MIER1: variants seen among roughly 807,000 people sequenced by gnomAD.
MIER1 encodes MIER1 transcriptional regulator.
A neutral mutation model predicts 75.7 loss-of-function variants in MIER1; 40 were observed. The observed-to-expected ratio is 0.53, with a 90% CI of 0.41 to 0.69. The LOEUF (loss-of-function observed/expected upper bound fraction) is 0.69, where lower values mean the gene tolerates loss of function less well. Ranked by LOEUF, MIER1 falls within the 30% of genes least tolerant of loss-of-function variation. The pLI, the probability that MIER1 is intolerant of heterozygous loss-of-function variation, is 0.00. For synonymous variants in MIER1, 213 were observed against 223.4 expected, an observed-to-expected ratio of 0.95 and a Z score of 0.42; for missense variants, 574 against 680.2, an observed-to-expected ratio of 0.84 and a Z score of 1.74.
intron 2 of MIER1, among the ~76,000 whole-genome samples, chr1:66,933,668 C>G (rs1327513420): frequency 1.3e-5 from 2 of 152,028 alleles, no homozygotes; most frequent in Admixed American, 1.3e-4. Flanking sequence ...ATTCTCGACA[C>G]TAATAATGAA....
chr1:66,957,995 A>G (rs1476595724), intron 4 of MIER1, 64 bp from the exon 5 acceptor site: 14 of 1,040,144 alleles, frequency 1.3e-5, no homozygotes, highest in Non-Finnish European at 1.8e-5. Flanking sequence ...AGATTTGTGG[A>G]TTATAGCCTG....
Position 66,970,964 on chromosome 1 carries a change from G to T in MIER1, c.924+5G>T. 1 of 1,570,632 alleles carries T rather than the reference G, an allele frequency of 6.4e-7. No individual in the cohort carries two copies. Among genetic ancestry groups the T allele is most frequent in the South Asian group, 1.2e-5 (1 of 82,340 alleles). ...CACATAAAAGACAATGAACAGGTCT[G>T]TGAAAGAAACAACTGTTAGAACTTT... On this transcript the variant is annotated splice_donor_5th_base_variant and intron_variant, in intron 9 of 13. Coordinates refer to ENST00000401041, the MANE Select transcript of MIER1 (RefSeq NM_001077700.3).
rs1362572797 is a variant in MIER1, at chr1:66,987,716, GATTTT to G, written c.*2820_*2824del. ...TATTTTCATTAGATTAATTCACTAA[GATTTT>G]ATTAGAGATTGTTTGAATGATGCAT... On this transcript the variant is annotated 3_prime_UTR_variant, in exon 14 of 14. Transcript: ENST00000401041. 1.4e-5 allele frequency: 2 copies of G among 143,756 alleles called. No individual in the cohort carries two copies. The highest frequency in any genetic ancestry group is 3.0e-5 in the Non-Finnish European group (2 of 66,208). The allele number at this position is 143,756 out of a possible 1,614,324, so 8.9% of individuals were successfully genotyped here.
At chr1:66,972,854 TGGG>T (rs779190109) in intron 10 of MIER1, 40 bp from the exon 11 acceptor site, 3 of 996,288 alleles carry the variant, frequency 3.0e-6, no homozygotes, top group Admixed American at 2.1e-5. Flanking sequence ...ATGCAATAAT[TGGG>T]GGAATATTGC....
chr1:66,974,347 C>T (rs1664265015), intron 11 of MIER1, among the ~76,000 whole-genome samples: 1 of 151,848 alleles, frequency 6.6e-6, no homozygotes, highest in Non-Finnish European at 1.5e-5. Flanking sequence ...CATTATGTGA[C>T]TGGCCGTGTA....
At chr1:66,945,218 G>C (rs925256530) in intron 3 of MIER1, among the ~76,000 whole-genome samples, 1 of 144,956 alleles carries the variant, frequency 6.9e-6, no homozygotes, top group Admixed American at 6.9e-5. Flanking sequence ...TAGTATTTGC[G>C]TGTAACCTAT....
chr1:66,964,024 T>C (rs1661805646), intron 8 of MIER1, among the ~76,000 whole-genome samples: 2 of 152,172 alleles, frequency 1.3e-5, no homozygotes, highest in South Asian at 4.1e-4. Context: ...TCATTTCATT[T>C]GAAAGTCCTG....
At chr1:66,966,323 A>G (rs1398732826) in intron 8 of MIER1, among the ~76,000 whole-genome samples, 3 of 152,206 alleles carry the variant, frequency 2.0e-5, no homozygotes, top group South Asian at 4.2e-4. Flanking sequence ...GCTGAGAATG[A>G]TGGTTTCCAG....
chr1:66,940,074 TA>T, intron 3 of MIER1, 22 bp downstream of exon 3: 1 of 1,579,262 alleles, frequency 6.3e-7, no homozygotes. Flanking sequence ...CCATATTTTT[TA>T]TAATCTCGAT....
Position 66,963,541 on chromosome 1 carries a change from G to A in MIER1, c.772+381G>A, listed in dbSNP as rs150553717. On this transcript the variant is annotated intron_variant, in intron 8 of 13. Transcript: ENST00000401041. ...ATCAATGAAAGGCATAAAAACAAAC[G>A]AGAGTAAATAACTGATATAAACAGC... Among the ~76,000 whole-genome samples, 39 of 152,094 alleles carry A rather than the reference G, an allele frequency of 2.6e-4. No individual in the cohort carries two copies. In the East Asian group the frequency reaches 7.0e-3, roughly 27 times the overall value.
At chr1:66,955,432 ATTTTAGTAAGCCCTCAAGGTAAT>A (rs1026261170) in intron 4 of MIER1, among the ~76,000 whole-genome samples, 4 of 139,270 alleles carry the variant, frequency 2.9e-5, no homozygotes, top group African/African-American at 1.1e-4. Flanking sequence ...TCAGCAGCCC[ATTTTAGTAAGCCCTCAAGGTAAT>A]TCTGATACCC....
chr1:66,972,282 ATATT>A (rs1663861530), intron 10 of MIER1, among the ~76,000 whole-genome samples: 2 of 146,614 alleles, frequency 1.4e-5, no homozygotes, highest in African/African-American at 5.1e-5. Flanking sequence ...CAAATGAGAG[ATATT>A]TATTTAACAA....
intron 8 of MIER1, among the ~76,000 whole-genome samples, chr1:66,963,417 T>G (rs1403499252): frequency 1.3e-5 from 2 of 152,184 alleles, no homozygotes; most frequent in Non-Finnish European, 2.9e-5. Flanking sequence ...ACTTACAATG[T>G]CTCAACAGTT....
At chr1:66,947,090 T>C (rs1010535032) in intron 4 of MIER1, 1 of 803,704 alleles carries the variant, frequency 1.2e-6, no homozygotes, top group African/African-American at 1.9e-5. Context: ...AAAAAGCAGA[T>C]TTTTTGGACC....
intron 8 of MIER1, among the ~76,000 whole-genome samples, chr1:66,969,545 CAAAAAAAAAAAAAAAA>C (rs35924256): frequency 5.5e-4 from 35 of 63,542 alleles, no homozygotes; most frequent in Middle Eastern, 0.011. Flanking sequence ...ACTTCGTCTC[CAAAAAAAAAAAAAAAA>C]AAAAAAAAAA....
In MIER1 at chr1:66,988,550, T is replaced by C. The variant is rs1184053900; in HGVS notation, c.*3650T>C. 1 of 151,944 alleles carries C rather than the reference T, an allele frequency of 6.6e-6. No homozygotes were observed. Among genetic ancestry groups the C allele is most frequent in the Non-Finnish European group, 1.5e-5 (1 of 67,672 alleles). The allele number at this position is 151,944 out of a possible 1,614,324, so 9.4% of individuals were successfully genotyped here. A position where few individuals can be genotyped will look rare whatever the true frequency, so the allele number is the denominator to read the frequency against. On this transcript the variant is annotated 3_prime_UTR_variant, in exon 14 of 14. Coordinates refer to ENST00000401041, the MANE Select transcript of MIER1 (RefSeq NM_001077700.3). ...TTTTCCTTTTCAGAATATGATTATTTTCAATTTGTCTTTAGTTAGTATAAA... is the reference window on the plus strand; with the variant it reads ...TTTTCCTTTTCAGAATATGATTATTCTCAATTTGTCTTTAGTTAGTATAAA...
At chr1:66,967,607 C>A (rs1364156377) in intron 8 of MIER1, among the ~76,000 whole-genome samples, 3 of 150,380 alleles carry the variant, frequency 2.0e-5, no homozygotes, top group Non-Finnish European at 4.4e-5. Flanking sequence ...TTTAACAACA[C>A]TGATTCTTTG....
chr1:66,979,930 A>C (rs1054002078), intron 12 of MIER1, among the ~76,000 whole-genome samples: 1 of 150,822 alleles, frequency 6.6e-6, no homozygotes, highest in East Asian at 1.9e-4. Context: ...ACACCCGGCT[A>C]ATTTTGTATT....
chr1:66,925,805 C>G (rs1301322169), intron 1 of MIER1, among the ~76,000 whole-genome samples: 1 of 152,164 alleles, frequency 6.6e-6, no homozygotes, highest in African/African-American at 2.4e-5. Flanking sequence ...TTAAAGCTTC[C>G]TCCAACGCTA....
Sources: allele counts gnomAD v4.1 joint callset (sites outside exome capture counted in the v4.1 genomes callset), GRCh38; gene constraint gnomAD v4.1.1; transcripts MANE v1.5; gene names NCBI Gene and HGNC (gene_info 2026-07-23, HGNC 2026-07-21).